PARP11: variants seen among roughly 807,000 people sequenced by gnomAD.
The protein encoded by PARP11 is poly(ADP-ribose) polymerase family member 11, also known as protein mono-ADP-ribosyltransferase PARP11.
PARP11 carries 31 observed loss-of-function variants against 42.9 expected under a neutral mutation model. The ratio of observed to expected loss-of-function variants is 0.72; its 90% CI spans 0.54 to 0.98. The LOEUF is 0.98. PARP11 is among the 50% of genes least tolerant of loss of function. The pLI, the probability that PARP11 is intolerant of heterozygous loss-of-function variation, is 0.00. For synonymous variants in PARP11, 137 were observed against 127.3 expected (o/e 1.08, Z -0.51); for missense variants, 365 against 413.1 (o/e 0.88, Z 1.01).
At chr12:3,865,116 G>T (rs1459446842) in intron 1 of PARP11, among the ~76,000 whole-genome samples, 2 of 151,778 alleles carry the variant, frequency 1.3e-5, no homozygotes, top group African/African-American at 2.4e-5. Context: ...TAATCCATGG[G>T]TTACCTTAAA....
intron 1 of PARP11, among the ~76,000 whole-genome samples, chr12:3,834,770 G>A (rs1441539983): frequency 6.6e-6 from 1 of 151,294 alleles, no homozygotes; most frequent in African/African-American, 2.4e-5. Context: ...AGACAGCCAA[G>A]AAGAGCCCTC....
At chr12:3,851,097 C>T (rs1948088462) in intron 1 of PARP11, among the ~76,000 whole-genome samples, 1 of 152,154 alleles carries the variant, frequency 6.6e-6, no homozygotes, top group African/African-American at 2.4e-5. Context: ...ACTCAACAGG[C>T]ATGTTACAGA....
intron 1 of PARP11, among the ~76,000 whole-genome samples, chr12:3,845,348 C>T (rs1296481247): frequency 2.6e-5 from 4 of 152,218 alleles, no homozygotes; most frequent in East Asian, 1.9e-4. Flanking sequence ...ACCACAATGC[C>T]GATATATCTT....
Position 3,823,313 on chromosome 12 carries a change from G to T in PARP11, c.345-1156C>A, listed in dbSNP as rs531127354. ...CCATCTCCTGGTAATTAGTTTCTTG[G>T]GTATTCTTCCAGAGCTTCTTTAGGT... On this transcript the variant is annotated intron_variant, in intron 4 of 7. Transcript: ENST00000228820. Among the ~76,000 whole-genome samples the T allele has an allele frequency of 3.9e-5, 6 of 152,142 alleles. No individual in the cohort carries two copies. In the South Asian group the frequency reaches 1.2e-3, roughly 32 times the overall value.
chr12:3,812,820 T>C (rs1947211354), intron 7 of PARP11, among the ~76,000 whole-genome samples: 1 of 152,172 alleles, frequency 6.6e-6, no homozygotes, highest in Admixed American at 6.5e-5. Flanking sequence ...TCTGTTTTTT[T>C]GAGACAGAGT....
intron 6 of PARP11, among the ~76,000 whole-genome samples, chr12:3,821,071 T>G (rs1301268966): frequency 6.6e-6 from 1 of 152,212 alleles, no homozygotes; most frequent in Non-Finnish European, 1.5e-5. Flanking sequence ...ATAGTTTATG[T>G]GTGGTAAATC....
At position 3,822,070 on chromosome 12, in the gene PARP11, C is replaced by A. The variant is rs1326024024; in HGVS notation, c.417+15G>T. ...GGTTTCTTTCATGGGTATATTCAGTCAATTCTGCTCTTACCTGATATGGTA... is the reference window on the plus strand; with the variant it reads ...GGTTTCTTTCATGGGTATATTCAGTAAATTCTGCTCTTACCTGATATGGTA... On this transcript the variant is annotated intron_variant, in intron 5 of 7. Coordinates refer to ENST00000228820, the MANE Select transcript of PARP11 (RefSeq NM_020367.6). 1 of 1,612,156 alleles carries A rather than the reference C, an allele frequency of 6.2e-7. No homozygotes were observed. Among genetic ancestry groups the A allele is most frequent in the South Asian group, 1.1e-5 (1 of 90,592 alleles).
intron 1 of PARP11, among the ~76,000 whole-genome samples, chr12:3,839,206 C>G (rs1340598776): frequency 6.7e-5 from 10 of 149,654 alleles, no homozygotes; most frequent in Admixed American, 6.0e-4. Flanking sequence ...AGCCCCAGCC[C>G]GAGCCGCCGC....
chr12:3,855,101 C>G (rs1246709769), intron 1 of PARP11, among the ~76,000 whole-genome samples: 1 of 152,190 alleles, frequency 6.6e-6, no homozygotes, highest in African/African-American at 2.4e-5. Context: ...GCTAAAAACT[C>G]TCAATAAACT....
chr12:3,852,910 G>C (rs1166718405), intron 1 of PARP11, among the ~76,000 whole-genome samples: 4 of 152,218 alleles, frequency 2.6e-5, no homozygotes, highest in Non-Finnish European at 5.9e-5. Context: ...ACAAAGGGAA[G>C]CCCATCAGAC....
chr12:3,814,220 A>G, intron 6 of PARP11, 32 bp from the exon 7 acceptor site: 1 of 1,525,502 alleles, frequency 6.6e-7, no homozygotes, highest in Middle Eastern at 1.8e-4. Context: ...ACACAAAAGC[A>G]CACAGAAATA....
At chr12:3,863,136 G>A (rs1948328400) in intron 1 of PARP11, among the ~76,000 whole-genome samples, 1 of 152,154 alleles carries the variant, frequency 6.6e-6, no homozygotes, top group Non-Finnish European at 1.5e-5. Flanking sequence ...ACTGTAAGTG[G>A]AATTGCATTT....
intron 1 of PARP11, among the ~76,000 whole-genome samples, chr12:3,834,086 C>A (rs1947705578): frequency 6.6e-6 from 1 of 152,202 alleles, no homozygotes; most frequent in Non-Finnish European, 1.5e-5. Flanking sequence ...AACTTCCTCC[C>A]AGAGTAGAGG....
chr12:3,818,107 C>T (rs1947327881), intron 6 of PARP11, among the ~76,000 whole-genome samples: 1 of 152,156 alleles, frequency 6.6e-6, no homozygotes, highest in East Asian at 1.9e-4. Context: ...CATGGTTTGC[C>T]CTATAAATTC....
intron 6 of PARP11, among the ~76,000 whole-genome samples, chr12:3,817,288 A>G (rs564181385): frequency 2.0e-5 from 3 of 152,304 alleles, no homozygotes; most frequent in South Asian, 4.1e-4. Flanking sequence ...TATTATAAAT[A>G]AACTGTGGGT....
chr12:3,834,514 G>A (rs1947716671), intron 1 of PARP11, among the ~76,000 whole-genome samples: 3 of 151,394 alleles, frequency 2.0e-5, no homozygotes, highest in African/African-American at 7.3e-5. Context: ...TGCACCTGTA[G>A]TTCCAGCTAC....
intron 1 of PARP11, among the ~76,000 whole-genome samples, chr12:3,851,265 C>G (rs150770671): frequency 2.9e-3 from 436 of 152,262 alleles, no homozygotes; most frequent in African/African-American, 9.7e-3. Flanking sequence ...GGTTGGGCAG[C>G]GGGTGCAGCC....
At chr12:3,866,553 C>T (rs1948394023) in intron 1 of PARP11, among the ~76,000 whole-genome samples, 1 of 152,168 alleles carries the variant, frequency 6.6e-6, no homozygotes, top group African/African-American at 2.4e-5. Context: ...AGTTACCATT[C>T]ACTATAATAT....
At chr12:3,872,920 C>A in intron 1 of PARP11, 1 of 360,112 alleles carries the variant, frequency 2.8e-6, no homozygotes, top group Non-Finnish European at 3.9e-6. Context: ...TGCGAGACTC[C>A]GTCTCAAAAA....
Sources: gnomAD v4.1 joint callset for allele counts (sites outside exome capture counted in the v4.1 genomes callset) on GRCh38, gnomAD v4.1.1 for gene constraint, MANE v1.5 for transcripts, NCBI Gene and HGNC (gene_info 2026-07-23, HGNC 2026-07-21) for gene names.